The following MERTK variants were observed in gnomAD, a reference collection of about 807,000 sequenced individuals.
MERTK encodes the protein MER proto-oncogene, tyrosine kinase, also known as tyrosine-protein kinase Mer.
Under a neutral mutation model 99.3 loss-of-function variants are expected in MERTK, and 69 were observed. The ratio of observed to expected loss-of-function variants is 0.70; its 90% CI spans 0.57 to 0.85. The LOEUF (loss-of-function observed/expected upper bound fraction) is 0.85. Ranked by LOEUF, MERTK falls within the 40% of genes least tolerant of loss-of-function variation. The probability of loss-of-function intolerance (pLI) is 0.00; values close to 1 mark genes in which losing one functional copy is unlikely to be tolerated. For synonymous variants in MERTK, 426 were observed against 467.6 expected (o/e 0.91, Z 1.15); for missense variants, 1,125 against 1,249.4 (o/e 0.90, Z 1.50).
chr2:111,940,429 A>C, intron 2 of MERTK: 2 of 544,454 alleles, frequency 3.7e-6, no homozygotes, highest in South Asian at 2.8e-5. Context: ...CAGTCACAGA[A>C]TTTGAGTAGC....
chr2:112,013,863 G>T (rs1373659457), intron 15 of MERTK, among the ~76,000 whole-genome samples: 2 of 151,502 alleles, frequency 1.3e-5, no homozygotes, highest in Non-Finnish European at 2.9e-5. Context: ...GGAGGGGGGT[G>T]GTGGCGGGGG....
Position 112,019,542 on chromosome 2 carries a change from C to A in MERTK, c.2189+20C>A. The A allele has an allele frequency of 6.4e-7, 1 of 1,567,840 alleles. No individual in the cohort carries two copies. Among genetic ancestry groups the A allele is most frequent in the South Asian group, 1.1e-5 (1 of 90,096 alleles). Reference sequence around the variant, plus strand: ...CTGCATGTAAGAGTCCTCGGCTATCCTGGAAGGGTTTGGACCTCATGGTGT... The same window carrying A: ...CTGCATGTAAGAGTCCTCGGCTATCATGGAAGGGTTTGGACCTCATGGTGT... On this transcript the variant is annotated intron_variant, in intron 16 of 18. Transcript: ENST00000295408.
At chr2:111,925,275 G>GATATATATATATATATATATATTT (rs201320082) in intron 1 of MERTK, among the ~76,000 whole-genome samples, 1 of 52,188 alleles carries the variant, frequency 1.9e-5, no homozygotes, top group Non-Finnish European at 3.2e-5. Flanking sequence ...GTACAGATCA[G>GATATATATATATATATATATATTT]ATATATATAT....
At chr2:111,932,165 T>A (rs1013707393) in intron 2 of MERTK, among the ~76,000 whole-genome samples, 4 of 152,118 alleles carry the variant, frequency 2.6e-5, no homozygotes, top group African/African-American at 9.7e-5. Flanking sequence ...AATTTAGCGA[T>A]CAGAATTTTT....
rs1336943200 is a variant in MERTK at position 111,925,290 on chromosome 2, A to ATTTTTT, written c.62-3829_62-3828insTTTTTT. On this transcript the variant is annotated intron_variant, in intron 1 of 18. Coordinates refer to ENST00000295408, the MANE Select transcript of MERTK (RefSeq NM_006343.3). ...GTACAGATCAGATATATATATATAT[A>ATTTTTT]TATTTTTTTTTTTTTTTTTTTTTTT... is the stretch of plus-strand genomic sequence containing the variant. Among the ~76,000 whole-genome samples the ATTTTTT allele has an allele frequency of 1.7e-3, 54 of 31,484 alleles. 2 individuals are homozygous for ATTTTTT. The highest frequency in any genetic ancestry group is 2.8e-3 in the East Asian group (3 of 1,084). The allele number at this position is 31,484 out of a possible 152,430, so 20.7% of individuals were successfully genotyped here.
intron 13 of MERTK, among the ~76,000 whole-genome samples, chr2:112,005,428 A>G (rs752849917): frequency 6.6e-6 from 1 of 152,204 alleles, no homozygotes; most frequent in East Asian, 1.9e-4. Flanking sequence ...TAATTGAAAT[A>G]GCTAGAAAGG....
chr2:111,906,527 G>C (rs1156468273), intron 1 of MERTK, among the ~76,000 whole-genome samples: 1 of 152,198 alleles, frequency 6.6e-6, no homozygotes, highest in Non-Finnish European at 1.5e-5. Context: ...GTTGTTTTCT[G>C]TCACTGTGCC....
intron 4 of MERTK, among the ~76,000 whole-genome samples, chr2:111,949,160 G>A (rs1335379374): frequency 6.6e-6 from 1 of 151,736 alleles, no homozygotes; most frequent in Non-Finnish European, 1.5e-5. Context: ...ACTGTTTTAG[G>A]TCCCCTCAAT....
chr2:111,900,988 TA>T (rs1457160629), intron 1 of MERTK, among the ~76,000 whole-genome samples: 1 of 152,166 alleles, frequency 6.6e-6, no homozygotes, highest in African/African-American at 2.4e-5. Context: ...GAAGAATGGG[TA>T]AATAAAATTT....
rs1321451294 is a variant in MERTK, at chr2:111,968,152, C to T, written c.860C>T (p.Pro287Leu). The change falls in exon 6 of 19, where the codon CCA becomes CTA. Residue 287 changes from proline to leucine, a missense_variant. Pro to Leu is a moderately conservative substitution (Grantham distance 98). Coordinates refer to ENST00000295408, the MANE Select transcript of MERTK (RefSeq NM_006343.3). ...QINIKAIPSP[P>L]TEVSIRNSTA... ...TTTTATGCAGCAATTCCCTCCCCAC[C>T]AACTGAAGTCAGCATCCGTAACAGC... 6.2e-7 allele frequency: 1 copy of T among 1,613,706 alleles called. No individual in the cohort carries two copies. The highest frequency in any genetic ancestry group is 8.5e-7 in the Non-Finnish European group (1 of 1,179,736).
rs186650919 is a variant in MERTK at position 111,910,466 on chromosome 2, C to T, written c.61+11670C>T. Among the ~76,000 whole-genome samples, 294 of 151,976 alleles carry T rather than the reference C, an allele frequency of 1.9e-3. 1 individual carries two copies. The highest frequency in any genetic ancestry group is 6.7e-3 in the African/African-American group (277 of 41,466). On this transcript the variant is annotated intron_variant, in intron 1 of 18. Coordinates refer to ENST00000295408, the MANE Select transcript of MERTK (RefSeq NM_006343.3). ...TGTATTTTTATTTGAGATGGGGTTT[C>T]ACCATGTTGGCCAGGCTGATCTCGA...
At chr2:111,973,082 A>G (rs1676156300) in intron 6 of MERTK, among the ~76,000 whole-genome samples, 1 of 152,008 alleles carries the variant, frequency 6.6e-6, no homozygotes, top group African/African-American at 2.4e-5. Flanking sequence ...TCCATTTCTA[A>G]TTTTAGCTCT....
intron 18 of MERTK, among the ~76,000 whole-genome samples, chr2:112,027,832 G>GT (rs1393399982): frequency 1.3e-5 from 2 of 152,166 alleles, no homozygotes; most frequent in African/African-American, 4.8e-5. Context: ...AGCTGTCCTG[G>GT]TAACAACTCA....
chr2:112,009,821 C>T (rs147500804), intron 14 of MERTK, 127 bp from the exon 15 acceptor site: 7 of 768,646 alleles, frequency 9.1e-6, no homozygotes, highest in East Asian at 2.5e-5. Flanking sequence ...GTGAGTTAGG[C>T]GCTCTTGATT....
chr2:111,935,911 T>C (rs1684757395), intron 2 of MERTK, among the ~76,000 whole-genome samples: 1 of 152,100 alleles, frequency 6.6e-6, no homozygotes, highest in Admixed American at 6.6e-5. Flanking sequence ...ATTAAAAGTC[T>C]TCAAAAAAAT....
intron 11 of MERTK, among the ~76,000 whole-genome samples, chr2:112,002,098 T>C (rs2104405930): frequency 6.6e-6 from 1 of 152,270 alleles, no homozygotes; most frequent in Non-Finnish European, 1.5e-5. Context: ...TTCAAGAGCT[T>C]GTTCATGCCT....
chr2:111,947,697 A>G, intron 4 of MERTK, 130 bp downstream of exon 4: 1 of 1,100,048 alleles, frequency 9.1e-7, no homozygotes, highest in South Asian at 1.3e-5. Context: ...CAGCAAAGTT[A>G]TGGGACCAGG....
At chr2:111,909,533 C>T (rs1176352922) in intron 1 of MERTK, among the ~76,000 whole-genome samples, 1 of 152,134 alleles carries the variant, frequency 6.6e-6, no homozygotes, top group African/African-American at 2.4e-5. Flanking sequence ...AGGATAATCA[C>T]CCCAGCACCT....
chr2:112,008,912 A>T, intron 14 of MERTK: 1 of 273,812 alleles, frequency 3.7e-6, no homozygotes, highest in East Asian at 9.1e-5. Context: ...CTGATTTCTT[A>T]AGATCATGAT....
Sources: gnomAD v4.1 joint callset for allele counts (sites outside exome capture counted in the v4.1 genomes callset) on GRCh38, gnomAD v4.1.1 for gene constraint, MANE v1.5 for transcripts, NCBI Gene and HGNC (gene_info 2026-07-23, HGNC 2026-07-21) for gene names.